Variants in TRPM8 observed in about 807,000 individuals in gnomAD.
TRPM8 encodes the protein transient receptor potential cation channel subfamily M member 8, also known as TRPM8 cationic channel.
Under a neutral mutation model 133.7 loss-of-function variants are expected in TRPM8, and 110 were observed. That is an observed-to-expected ratio of 0.82 (90% CI 0.70 to 0.96). The LOEUF (loss-of-function observed/expected upper bound fraction) is 0.96, where lower values mean the gene tolerates loss of function less well. TRPM8 is among the 40% of genes least tolerant of loss of function. The pLI is 0.00. For synonymous variants in TRPM8, 535 were observed against 532.3 expected (o/e 1.01, Z -0.07); for missense variants, 1,291 against 1,379.5 (o/e 0.94, Z 1.02).
Position 233,945,972 on chromosome 2 carries a change from T to C in TRPM8, c.816T>C (p.Thr272=), listed in dbSNP as rs773861898. ...ACAATGGCTGTCATGGACATCCCAC[T>C]GTCGAAGCAAAGCTCCGGAATCAGC... is the stretch of plus-strand genomic sequence containing the variant. ...LVDNGCHGHP[T]VEAKLRNQLE... The change falls in exon 7 of 26, where the codon ACT becomes ACC. Residue 272 remains threonine, a synonymous_variant. Coordinates refer to ENST00000324695, the MANE Select transcript of TRPM8 (RefSeq NM_024080.5). 2.5e-6 allele frequency: 4 copies of C among 1,614,054 alleles called. No individual in the cohort carries two copies. The highest frequency in any genetic ancestry group is 4.5e-5 in the East Asian group (2 of 44,890).
intron 5 of TRPM8, among the ~76,000 whole-genome samples, chr2:233,942,091 T>G (rs1559522086): frequency 2.2e-5 from 3 of 138,876 alleles, no homozygotes; most frequent in African/African-American, 3.2e-5. Flanking sequence ...TTTTTTTTTT[T>G]CTTTTTGAGA....
intron 4 of TRPM8, 71 bp from the exon 5 acceptor site, chr2:233,938,927 G>T: frequency 5.9e-6 from 9 of 1,528,830 alleles, no homozygotes; most frequent in African/African-American, 1.4e-5. Flanking sequence ...TTGGAAGTTG[G>T]GAGGGAATGC....
intron 21 of TRPM8, 32 bp downstream of exon 21, chr2:233,985,897 C>A (rs2125303854): frequency 4.4e-6 from 7 of 1,576,616 alleles, no homozygotes; most frequent in Non-Finnish European, 6.0e-6. Flanking sequence ...CACTGATGTC[C>A]ACCCTGGGCC....
intron 20 of TRPM8, 108 bp from the exon 21 acceptor site, chr2:233,985,580 G>C (rs1405063086): frequency 9.2e-7 from 1 of 1,081,390 alleles, no homozygotes; most frequent in Non-Finnish European, 1.4e-6. Flanking sequence ...TTAGACGAAG[G>C]CCTAAGACAT....
At chr2:233,997,132 G>A (rs1195119454) in intron 22 of TRPM8, among the ~76,000 whole-genome samples, 2 of 152,070 alleles carry the variant, frequency 1.3e-5, no homozygotes, top group Admixed American at 6.5e-5. Context: ...CGGGTGTGGT[G>A]GTGTGTGCCT....
chr2:233,983,323 G>A (rs1028500831), intron 20 of TRPM8, 99 bp downstream of exon 20: 19 of 1,384,692 alleles, frequency 1.4e-5, no homozygotes, highest in South Asian at 4.7e-5. Context: ...TCAGAAGCAC[G>A]CGCGTGAAAC....
Position 233,939,002 on chromosome 2 carries a change from T to C in TRPM8, c.353T>C (p.Ile118Thr). ...CTTCTGCTTCTCTCCCCATAGTATATACGTCTGTCCTGCGACACGGACGCG... is the reference window on the plus strand; with the variant it reads ...CTTCTGCTTCTCTCCCCATAGTATACACGTCTGTCCTGCGACACGGACGCG... ...FETLGKKGKY[I>T]RLSCDTDAEI... The change falls in exon 5 of 26, where the codon ATA becomes ACA. Residue 118 changes from isoleucine to threonine, a missense_variant. Transcript: ENST00000324695. The C allele has an allele frequency of 6.2e-7, 1 of 1,614,184 alleles. No homozygotes were observed. Among genetic ancestry groups the C allele is most frequent in the East Asian group, 2.2e-5 (1 of 44,868 alleles).
chr2:233,973,465 A>T (rs1227129669), intron 17 of TRPM8, among the ~76,000 whole-genome samples: 1 of 151,790 alleles, frequency 6.6e-6, no homozygotes, highest in African/African-American at 2.4e-5. Context: ...CTCATGGGTG[A>T]CTCCTGCATG....
chr2:233,923,769 G>A (rs1181491070), intron 1 of TRPM8, among the ~76,000 whole-genome samples: 3 of 152,042 alleles, frequency 2.0e-5, no homozygotes, highest in Non-Finnish European at 4.4e-5. Flanking sequence ...CTTCTGCCTG[G>A]GGAGGCTGTA....
chr2:233,976,712 G>A (rs1691882504), intron 17 of TRPM8, among the ~76,000 whole-genome samples: 1 of 152,148 alleles, frequency 6.6e-6, no homozygotes, highest in Non-Finnish European at 1.5e-5. Flanking sequence ...GCAACAGTAT[G>A]GGAAGCACCC....
At chr2:233,963,549 A>G (rs1691491790) in intron 13 of TRPM8, among the ~76,000 whole-genome samples, 172 bp downstream of exon 13, 1 of 152,126 alleles carries the variant, frequency 6.6e-6, no homozygotes, top group South Asian at 2.1e-4. Context: ...CTTGGGAGGG[A>G]CCGTCCCCGG....
chr2:233,942,078 TTTTTTTTTTTTTTC>T (rs1444071743), intron 5 of TRPM8, among the ~76,000 whole-genome samples: 3 of 142,062 alleles, frequency 2.1e-5, no homozygotes, highest in African/African-American at 6.0e-5. Context: ...AATCTTTTTT[TTTTTTTTTTTTTTC>T]TTTTTGAGAT....
chr2:233,987,025 A>C (rs920566706), intron 21 of TRPM8, among the ~76,000 whole-genome samples: 17 of 152,350 alleles, frequency 1.1e-4, no homozygotes, highest in South Asian at 4.1e-4. Context: ...TCCCATTCTT[A>C]GGAAAGTACT....
At chr2:234,011,889 C>A (rs1243439986) in intron 24 of TRPM8, among the ~76,000 whole-genome samples, 2 of 126,504 alleles carry the variant, frequency 1.6e-5, no homozygotes, top group Non-Finnish European at 3.1e-5. Context: ...TGCACTCCAG[C>A]CTGGGAGACA....
chr2:233,936,716 A>G (rs1690752528), intron 3 of TRPM8, among the ~76,000 whole-genome samples: 1 of 152,230 alleles, frequency 6.6e-6, no homozygotes, highest in South Asian at 2.1e-4. Flanking sequence ...CTGTTTGAGA[A>G]GCTGAATAAA....
At chr2:233,984,595 C>T (rs754944881) in intron 20 of TRPM8, among the ~76,000 whole-genome samples, 1 of 151,914 alleles carries the variant, frequency 6.6e-6, no homozygotes, top group African/African-American at 2.4e-5. Context: ...CTGTTTTTTC[C>T]ATCACCACTG....
chr2:233,950,078 C>G lies in TRPM8; in HGVS notation c.1072C>G (p.Leu358Val). 1 of 1,614,018 alleles carries G rather than the reference C, an allele frequency of 6.2e-7. No individual in the cohort carries two copies. The highest frequency in any genetic ancestry group is 1.3e-5 in the African/African-American group (1 of 75,042). ...ALTSSAVKEK[L>V]VRFLPRTVSR... The stretch of plus-strand genomic sequence containing the variant: ...GACATCTTCTGCCGTCAAGGAGAAG[C>G]TGGTGCGCTTTTTACCCCGCACGGT... The change falls in exon 9 of 26, where the codon CTG (leucine) becomes GTG (valine). Residue 358 changes from leucine to valine, a missense_variant. Around this residue, in one of 2 missense-constraint regions of TRPM8, gnomAD observed 963 missense variants for 968.9 expected, o/e 0.99. Transcript: ENST00000324695.
At chr2:233,958,296 G>A (rs1376829976) in intron 11 of TRPM8, among the ~76,000 whole-genome samples, 1 of 152,218 alleles carries the variant, frequency 6.6e-6, no homozygotes, top group African/African-American at 2.4e-5. Flanking sequence ...GAGGCTCAGA[G>A]ACACAATAAT....
At chr2:233,974,763 C>G (rs1691824719) in intron 17 of TRPM8, among the ~76,000 whole-genome samples, 2 of 152,160 alleles carry the variant, frequency 1.3e-5, no homozygotes, top group South Asian at 2.1e-4. Context: ...CAGCACACTG[C>G]ATGACTCAGG....
Sources: allele counts gnomAD v4.1 joint callset (sites outside exome capture counted in the v4.1 genomes callset), GRCh38; gene constraint gnomAD v4.1.1; regional missense constraint gnomAD v4.1.1; transcripts MANE v1.5; gene names NCBI Gene and HGNC (gene_info 2026-07-23, HGNC 2026-07-21).